PFAS: variants seen among roughly 807,000 people sequenced by gnomAD.
PFAS encodes FGAM synthase.
In PFAS, 97 loss-of-function variants were observed where a neutral mutation model predicts 140.6. The observed-to-expected ratio is 0.69, with a 90% confidence interval of 0.59 to 0.82. The LOEUF (loss-of-function observed/expected upper bound fraction) is 0.82, where lower values mean the gene tolerates loss of function less well. Ranked by LOEUF, PFAS falls within the 40% of genes least tolerant of loss-of-function variation. PFAS has a pLI of 0.00. For missense variants in PFAS, 1,656 were observed against 1,780.2 expected, an observed-to-expected ratio of 0.93 and a Z score of 1.26; for synonymous variants, 679 against 718.8, an observed-to-expected ratio of 0.94 and a Z score of 0.88.
At chr17:8,264,095 C>T (rs1989707419) in intron 15 of PFAS, 117 bp from the exon 16 acceptor site, 1 of 1,482,774 alleles carries the variant, frequency 6.7e-7, no homozygotes, top group Non-Finnish European at 9.4e-7. Flanking sequence ...GGGGCAGGGA[C>T]TCAATATGGA....
rs200013085 is a variant in PFAS at position 8,263,179 on chromosome 17, A to G, written c.1481A>G (p.Lys494Arg). The G allele has an allele frequency of 6.2e-7, 1 of 1,614,040 alleles. No individual in the cohort carries two copies. Residue 494 changes from lysine to arginine, a missense_variant, in exon 13 of 28, where the codon AAG (lysine) becomes AGG (arginine). Transcript: ENST00000314666. ...VQRGDPEMEQKMNRVIRACVE... is the reference protein window; with the variant it reads ...VQRGDPEMEQRMNRVIRACVE... ...CGAGGAGACCCGGAGATGGAACAGA[A>G]GATGAACCGTGTGATCAGGGCTTGT...
chr17:8,252,882 G>A (rs553091616), intron 1 of PFAS, among the ~76,000 whole-genome samples: 14 of 152,278 alleles, frequency 9.2e-5, no homozygotes, highest in African/African-American at 2.4e-4. Context: ...CCTCCAAAGG[G>A]CTAAGATTAC....
chr17:8,262,413 CTG>C (rs1989628431), intron 11 of PFAS: 1 of 158,076 alleles, frequency 6.3e-6, no homozygotes, highest in South Asian at 1.8e-4. Context: ...CAATCAGAGA[CTG>C]TGTGCATTTG....
intron 11 of PFAS, 55 bp from the exon 12 acceptor site, chr17:8,262,865 G>A (rs941840336): frequency 2.9e-6 from 4 of 1,385,308 alleles, no homozygotes; most frequent in Non-Finnish European, 4.1e-6. Context: ...CCTTGCTTTC[G>A]AGGCCTCTTC....
At chr17:8,253,150 A>G (rs1435756571) in intron 1 of PFAS, among the ~76,000 whole-genome samples, 3 of 152,224 alleles carry the variant, frequency 2.0e-5, no homozygotes, top group Non-Finnish European at 4.4e-5. Flanking sequence ...CCTGAAGTGC[A>G]GGATTGGTGT....
At position 8,265,950 on chromosome 17, in the gene PFAS, C is replaced by T; in HGVS notation, c.2634C>T (p.His878=). 6.2e-7 allele frequency: 1 copy of T among 1,613,758 alleles called. No individual in the cohort carries two copies. Among genetic ancestry groups the T allele is most frequent in the Non-Finnish European group, 8.5e-7 (1 of 1,179,764 alleles). Residue 878 remains histidine, a synonymous_variant, in exon 21 of 28, where the codon CAC becomes CAT. Coordinates refer to ENST00000314666, the MANE Select transcript of PFAS (RefSeq NM_012393.3). ...LAQCFSQLGE[H]PPDLDLPENL... is the part of the protein sequence containing the mutation. ...AGTGCTTCTCCCAGCTTGGGGAACA[C>T]CCTCCAGACCTGGACCTTCCTGAGA...
chr17:8,256,384 C>T lies in PFAS; in HGVS notation c.798C>T (p.Val266=). The change falls in exon 7 of 28, where the codon GTC becomes GTT. Residue 266 remains valine, a synonymous_variant. Coordinates refer to ENST00000314666, the MANE Select transcript of PFAS (RefSeq NM_012393.3). ...STQESSNPNN[V]LKFCDNSSAI... is the part of the protein sequence containing the mutation. ...AGGAATCCTCGAACCCCAACAACGT[C>T]CTCAAATTCTGTGATAACAGCAGGT... 6.2e-7 allele frequency: 1 copy of T among 1,614,078 alleles called. No homozygotes were observed. Among genetic ancestry groups the T allele is most frequent in the Non-Finnish European group, 8.5e-7 (1 of 1,180,036 alleles).
At position 8,258,138 on chromosome 17, in the gene PFAS, G is replaced by C. The variant is rs148050925; in HGVS notation, c.1275G>C (p.Met425Ile). 1 of 1,614,014 alleles carries C rather than the reference G, an allele frequency of 6.2e-7. No homozygotes were observed. Among genetic ancestry groups the C allele is most frequent in the Non-Finnish European group, 8.5e-7 (1 of 1,180,036 alleles). Residue 425 changes from methionine to isoleucine, a missense_variant, in exon 11 of 28, where the codon ATG (methionine) becomes ATC (isoleucine). Coordinates refer to ENST00000314666, the MANE Select transcript of PFAS (RefSeq NM_012393.3). ...GGCGTGAGTGGATCAAGCCCATCAT[G>C]TTTAGTGGGGGCATTGGGTCCATGG... ...GQRREWIKPI[M>I]FSGGIGSMEA...
rs1989310015 is a variant in PFAS, at chr17:8,255,144, G to A, written c.384+12G>A. Reference sequence around the variant, plus strand: ...GCTACCGGCTCTCGGTGAGGTGATGGGGAATCAGGAGGAGGAGATGAGCCA... The same window carrying A: ...GCTACCGGCTCTCGGTGAGGTGATGAGGAATCAGGAGGAGGAGATGAGCCA... On this transcript the variant is annotated intron_variant, in intron 4 of 27. Coordinates refer to ENST00000314666, the MANE Select transcript of PFAS (RefSeq NM_012393.3). 12 of 1,578,900 alleles carry A rather than the reference G, an allele frequency of 7.6e-6. No homozygotes were observed. In the East Asian group the frequency reaches 2.7e-4, roughly 35 times the overall value.
chr17:8,256,635 C>T lies in PFAS; in HGVS notation c.933C>T (p.His311=), dbSNP rs1989378583. ...ATGTTGTCTTCACAGCAGAGACTCACAACTTTCCCACAGGTGAGCTGGGTT... is the reference window on the plus strand; with the variant it reads ...ATGTTGTCTTCACAGCAGAGACTCATAACTTTCCCACAGGTGAGCTGGGTT... ...LRHVVFTAET[H]NFPTGVCPFS... The change falls in exon 8 of 28, where the codon CAC becomes CAT. Residue 311 remains histidine, a synonymous_variant. Transcript: ENST00000314666. 1 of 1,613,992 alleles carries T rather than the reference C, an allele frequency of 6.2e-7. No individual in the cohort carries two copies. Among genetic ancestry groups the T allele is most frequent in the Non-Finnish European group, 8.5e-7 (1 of 1,180,034 alleles).
In PFAS at chr17:8,269,146, G is replaced by A. The variant is rs767358416; in HGVS notation, c.3899G>A (p.Arg1300Gln). 12 of 1,613,772 alleles carry A rather than the reference G, an allele frequency of 7.4e-6. No individual in the cohort carries two copies. Among genetic ancestry groups the A allele is most frequent in the Non-Finnish European group, 1.0e-5 (12 of 1,180,010 alleles). ...RHLAVMPHPE[R>Q]AVRPWQWAWR... ...CTGGCTGTCATGCCTCACCCTGAGC[G>A]GGCCGTTAGGCCTTGGCAGTGGGCA... Residue 1300 changes from arginine to glutamine, a missense_variant, in exon 28 of 28, where the codon CGG (arginine) becomes CAG (glutamine). This residue lies in a region of PFAS where 883 missense variants were observed against 1,023.0 expected (regional missense o/e 0.86). Coordinates refer to ENST00000314666, the MANE Select transcript of PFAS (RefSeq NM_012393.3).
chr17:8,258,245 A>G (rs775041312), intron 11 of PFAS, 46 bp downstream of exon 11: 3 of 1,607,476 alleles, frequency 1.9e-6, no homozygotes, highest in Non-Finnish European at 2.6e-6. Flanking sequence ...CTTTCTCCCC[A>G]GCACAGGATG....
rs539000541 is a variant in PFAS, at chr17:8,266,409, C to T, written c.2821+56C>T. On this transcript the variant is annotated intron_variant, in intron 22 of 27. Transcript: ENST00000314666. The surrounding 1 kb of genome is among the most constrained non-coding windows in gnomAD (Gnocchi z 5.0). ...GGGCTGCCTTCTCTACCCTGCAGAC[C>T]CCATTTCCAATATATTAAAGAGTGG... The T allele has an allele frequency of 2.2e-5, 35 of 1,607,132 alleles. No homozygotes were observed. In the African/African-American group the frequency reaches 4.4e-4, roughly 20 times the overall value.
In PFAS at chr17:8,268,825, C is replaced by G; in HGVS notation, c.3675C>G (p.Ala1225=). The G allele has an allele frequency of 6.2e-7, 1 of 1,607,722 alleles. No individual in the cohort carries two copies. Among genetic ancestry groups the G allele is most frequent in the African/African-American group, 1.3e-5 (1 of 75,036 alleles). ...TGATGCTGCGAGGGATGGAGGGCGC[C>G]GTGCTGCCCGTGTGGAGTGCGCACG... ...PALMLRGMEG[A]VLPVWSAHGE... is the part of the protein sequence containing the mutation. Residue 1225 remains alanine, a synonymous_variant, in exon 27 of 28, where the codon GCC becomes GCG. Transcript: ENST00000314666.
intron 26 of PFAS, 135 bp from the exon 27 acceptor site, chr17:8,268,398 A>G (rs554743761): frequency 6.6e-5 from 42 of 632,610 alleles, no homozygotes; most frequent in Non-Finnish European, 1.1e-4. Context: ...AGAAAGAAGG[A>G]AAGGAAGGAA....
At position 8,254,998 on chromosome 17, in the gene PFAS, C is replaced by T. The variant is rs899876047; in HGVS notation, c.279-29C>T. On this transcript the variant is annotated intron_variant, in intron 3 of 27. Transcript: ENST00000314666. ...CAGCTGAGGCCTGCCGGGGGTTCTC[C>T]AGTCCTAACCATCAGGCCCATTGTT... 6.5e-6 allele frequency: 10 copies of T among 1,540,434 alleles called. No homozygotes were observed. In the Admixed American group the frequency reaches 1.3e-4, roughly 21 times the overall value.
chr17:8,257,783 C>T, intron 9 of PFAS, 24 bp from the exon 10 acceptor site: 1 of 1,613,158 alleles, frequency 6.2e-7, no homozygotes, highest in Non-Finnish European at 8.5e-7. Flanking sequence ...TCAGTTCATC[C>T]AGTTCTCTCT....
Position 8,263,772 on chromosome 17 carries a change from C to A in PFAS, c.1630-3C>A. 1 of 1,612,508 alleles carries A rather than the reference C, an allele frequency of 6.2e-7. No homozygotes were observed. Among genetic ancestry groups the A allele is most frequent in the Non-Finnish European group, 8.5e-7 (1 of 1,178,894 alleles). ...CTCTTTCCTCCCCGCCGTGGCTGTG[C>A]AGCTTGGGGACCCAACCCTGAATGC... On this transcript the variant is annotated splice_region_variant and splice_polypyrimidine_tract_variant and intron_variant, in intron 14 of 27. Transcript: ENST00000314666.
intron 11 of PFAS, among the ~76,000 whole-genome samples, chr17:8,261,426 A>T (rs1567640763): frequency 6.6e-6 from 1 of 151,708 alleles, no homozygotes. Flanking sequence ...TTTAGTAGAG[A>T]TGGGGTTTCA....
Sources: gnomAD v4.1 joint callset for allele counts (sites outside exome capture counted in the v4.1 genomes callset) on GRCh38, gnomAD v4.1.1 for gene constraint, gnomAD v4.1.1 regional missense constraint, Gnocchi (gnomAD v3.1) non-coding constraint, MANE v1.5 for transcripts, NCBI Gene and HGNC (gene_info 2026-07-23, HGNC 2026-07-21) for gene names.